The following DPF3 variants were observed in gnomAD, a reference collection of about 807,000 sequenced individuals.
The protein encoded by DPF3 is zinc finger protein DPF3.
A neutral mutation model predicts 56.8 loss-of-function variants in DPF3; 18 were observed. The ratio of observed to expected loss-of-function variants is 0.32; its 90% CI spans 0.22 to 0.47. The LOEUF (loss-of-function observed/expected upper bound fraction) is 0.47. Ranked by LOEUF, DPF3 falls within the 20% of genes least tolerant of loss-of-function variation. The pLI, the probability that DPF3 is intolerant of heterozygous loss-of-function variation, is 1.00. For synonymous variants in DPF3, 188 were observed against 180.2 expected, an observed-to-expected ratio of 1.04 and a Z score of -0.35; for missense variants, 403 against 488.8, an observed-to-expected ratio of 0.82 and a Z score of 1.65.
chr14:72,732,674 G>A (rs926666895), intron 3 of DPF3, among the ~76,000 whole-genome samples: 1 of 152,134 alleles, frequency 6.6e-6, no homozygotes, highest in East Asian at 1.9e-4. Context: ...CTTGAGAAGA[G>A]AAGCCCTGGG....
chr14:72,700,438 T>C (rs1236683595), intron 6 of DPF3, among the ~76,000 whole-genome samples: 4 of 152,146 alleles, frequency 2.6e-5, no homozygotes. Context: ...GGGTTCAGAG[T>C]GGAGATCTGA....
chr14:72,713,264 A>G (rs1888732972), intron 6 of DPF3, among the ~76,000 whole-genome samples: 1 of 152,262 alleles, frequency 6.6e-6, no homozygotes, highest in Non-Finnish European at 1.5e-5. Flanking sequence ...AAGCAGCCAA[A>G]TGGGAGTCAT....
At chr14:72,707,614 T>C (rs1567206824) in intron 6 of DPF3, among the ~76,000 whole-genome samples, 1 of 152,172 alleles carries the variant, frequency 6.6e-6, no homozygotes, top group Non-Finnish European at 1.5e-5. Context: ...TCCTGATGTA[T>C]CACTGAGTGG....
chr14:72,825,700 AGCCC>A (rs1883767793), intron 1 of DPF3, among the ~76,000 whole-genome samples: 1 of 1,690 alleles, frequency 5.9e-4, no homozygotes, highest in Non-Finnish European at 1.8e-3. Flanking sequence ...TGCCCAGCCC[AGCCC>A]AGCCCAGCCC....
At chr14:72,740,817 A>G (rs1302088729) in intron 3 of DPF3, among the ~76,000 whole-genome samples, 1 of 152,196 alleles carries the variant, frequency 6.6e-6, no homozygotes, top group East Asian at 1.9e-4. Context: ...GTTCTGGGAC[A>G]TAGGAGTGAG....
chr14:72,717,153 T>C (rs1179112894), intron 5 of DPF3, among the ~76,000 whole-genome samples: 2 of 152,204 alleles, frequency 1.3e-5, no homozygotes, highest in East Asian at 1.9e-4. Flanking sequence ...CCTCTGCCCA[T>C]GCACATCTGA....
At chr14:72,631,779 T>A (rs1885184899) in intron 8 of DPF3, among the ~76,000 whole-genome samples, 1 of 152,218 alleles carries the variant, frequency 6.6e-6, no homozygotes, top group African/African-American at 2.4e-5. Context: ...CAGCTACACA[T>A]GTATCTATCA....
intron 2 of DPF3, among the ~76,000 whole-genome samples, chr14:72,756,467 C>T (rs1890793296): frequency 6.6e-6 from 1 of 152,142 alleles, no homozygotes. Context: ...GCATCTCTCA[C>T]AGACAAAGCA....
At chr14:72,800,479 T>C (rs537331192) in intron 1 of DPF3, among the ~76,000 whole-genome samples, 2 of 152,080 alleles carry the variant, frequency 1.3e-5, no homozygotes, top group Non-Finnish European at 2.9e-5. Context: ...CATGGATGCA[T>C]GGATGCTTGG....
intron 3 of DPF3, among the ~76,000 whole-genome samples, chr14:72,745,266 G>C (rs1442677438): frequency 1.3e-5 from 2 of 151,934 alleles, no homozygotes; most frequent in Non-Finnish European, 2.9e-5. Flanking sequence ...TTTGCTTTTT[G>C]TTGTGCAATT....
chr14:72,677,871 G>T (rs1182838373), intron 7 of DPF3, among the ~76,000 whole-genome samples: 1 of 152,134 alleles, frequency 6.6e-6, no homozygotes, highest in African/African-American at 2.4e-5. Flanking sequence ...ACATCATTCT[G>T]CACCAAACAC....
At chr14:72,801,674 C>G (rs1401062169) in intron 1 of DPF3, among the ~76,000 whole-genome samples, 2 of 152,136 alleles carry the variant, frequency 1.3e-5, no homozygotes, top group Non-Finnish European at 2.9e-5. Context: ...GTTCAGCTCT[C>G]ACTTTGCTCA....
chr14:72,884,971 T>TATATATATATATATATATATATG (rs10523148), intron 1 of DPF3, among the ~76,000 whole-genome samples: 1 of 111,686 alleles, frequency 9.0e-6, no homozygotes, highest in Non-Finnish European at 1.9e-5. Flanking sequence ...TATATATATA[T>TATATATATATATATATATATATG]TAGCCGGGCG....
chr14:72,753,594 C>A (rs1412361114), intron 2 of DPF3, among the ~76,000 whole-genome samples: 4 of 152,182 alleles, frequency 2.6e-5, no homozygotes, highest in Admixed American at 2.6e-4. Flanking sequence ...TCAGCAAGCC[C>A]ATGCCAACGA....
At chr14:72,753,134 T>C (rs1054785140) in intron 3 of DPF3, 130 bp downstream of exon 3, 3 of 724,430 alleles carry the variant, frequency 4.1e-6, no homozygotes, top group South Asian at 3.8e-5. Flanking sequence ...TTAAGCATGA[T>C]GTGGGCATGT....
intron 1 of DPF3, among the ~76,000 whole-genome samples, chr14:72,796,410 G>A (rs1892648543): frequency 6.6e-6 from 1 of 152,146 alleles, no homozygotes; most frequent in South Asian, 2.1e-4. Context: ...GGCTGAGGTG[G>A]AAGAATCACT....
rs1883908082 is a variant in DPF3 at position 72,613,847 on chromosome 14, G to C, written c.*5450C>G. On this transcript the variant is annotated 3_prime_UTR_variant, in exon 11 of 11. Coordinates refer to ENST00000556509, the MANE Select transcript of DPF3 (RefSeq NM_001280542.3). ...GGAGGGGGCGCCCGCCGCACAGCCA[G>C]GCCTCCCCGGGGACAGCTGCTGAGA... Among the ~76,000 whole-genome samples the C allele has an allele frequency of 6.6e-6, 1 of 152,212 alleles. No homozygotes were observed. Among genetic ancestry groups the C allele is most frequent in the African/African-American group, 2.4e-5 (1 of 41,454 alleles).
chr14:72,858,771 T>G (rs544190422), intron 1 of DPF3, among the ~76,000 whole-genome samples: 24 of 152,346 alleles, frequency 1.6e-4, no homozygotes, highest in African/African-American at 5.5e-4. Context: ...CTTCTATTTG[T>G]TCTGTGTGGA....
intron 1 of DPF3, among the ~76,000 whole-genome samples, chr14:72,803,431 A>G (rs1892965155): frequency 6.6e-6 from 1 of 152,226 alleles, no homozygotes; most frequent in Admixed American, 6.5e-5. Context: ...AGATATTACC[A>G]CAAAACACTC....
Sources: allele counts gnomAD v4.1 joint callset (sites outside exome capture counted in the v4.1 genomes callset), GRCh38; gene constraint gnomAD v4.1.1; transcripts MANE v1.5; gene names NCBI Gene and HGNC (gene_info 2026-07-23, HGNC 2026-07-21).